PDE10A: variants seen among roughly 807,000 people sequenced by gnomAD.
PDE10A encodes the protein cAMP and cAMP-inhibited cGMP 3',5'-cyclic phosphodiesterase 10A.
In PDE10A, 39 loss-of-function variants were observed where a neutral mutation model predicts 97.7. The ratio of observed to expected loss-of-function variants is 0.40; its 90% confidence interval spans 0.31 to 0.52. The LOEUF is 0.52. Among genes scored for constraint, PDE10A ranks in the 20% least tolerant of loss-of-function variants. The pLI, the probability that PDE10A is intolerant of heterozygous loss-of-function variation, is 0.56. For synonymous variants in PDE10A, 371 were observed against 376.8 expected (o/e 0.98, Z 0.18); for missense variants, 731 against 1,047.8 (o/e 0.70, Z 4.17).
intron 1 of PDE10A, chr6:165,781,468 G>A (rs997656133): frequency 6.6e-6 from 1 of 152,200 alleles, no homozygotes; most frequent in African/African-American, 2.4e-5. Flanking sequence ...ACTGCCACAT[G>A]TGGTGAGTGC....
chr6:165,874,844 A>G (rs1043979307), intron 1 of PDE10A, among the ~76,000 whole-genome samples: 4 of 152,140 alleles, frequency 2.6e-5, no homozygotes, highest in African/African-American at 9.7e-5. Flanking sequence ...AAATTCCCAA[A>G]GGCAATTTAT....
intron 1 of PDE10A, among the ~76,000 whole-genome samples, chr6:165,874,652 A>G (rs1295307735): frequency 6.6e-6 from 1 of 152,230 alleles, no homozygotes; most frequent in East Asian, 1.9e-4. Flanking sequence ...CTCTCATATT[A>G]TTTTGCAAAT....
chr6:165,629,459 GTTTT>G (rs1788530802), intron 1 of PDE10A, among the ~76,000 whole-genome samples: 1 of 147,950 alleles, frequency 6.8e-6, no homozygotes, highest in Non-Finnish European at 1.5e-5. Context: ...AAACTCTTTT[GTTTT>G]GTTAATTAGA....
chr6:165,374,176 C>T (rs1324267536), intron 18 of PDE10A, among the ~76,000 whole-genome samples: 2 of 150,836 alleles, frequency 1.3e-5, no homozygotes, highest in Non-Finnish European at 3.0e-5. Flanking sequence ...CACATGTATA[C>T]ATATGTAACT....
upstream of PDE10A, among the ~76,000 whole-genome samples, chr6:165,665,069 A>G (rs1216637958): frequency 6.6e-6 from 1 of 152,124 alleles, no homozygotes; most frequent in East Asian, 1.9e-4. Flanking sequence ...CTTTTCTCCA[A>G]GTGCTTGCTG....
intron 1 of PDE10A, among the ~76,000 whole-genome samples, chr6:165,972,831 G>A (rs966678088): frequency 3.9e-5 from 6 of 152,034 alleles, no homozygotes; most frequent in African/African-American, 1.4e-4. Flanking sequence ...ATATGGTCTC[G>A]GCCAGGGATT....
intron 5 of PDE10A, 49 bp downstream of exon 5, chr6:165,448,879 T>G: frequency 9.0e-7 from 1 of 1,115,126 alleles, no homozygotes; most frequent in Non-Finnish European, 1.3e-6. Flanking sequence ...TAAAGGAGCT[T>G]ATGATATTTT....
intron 1 of PDE10A, among the ~76,000 whole-genome samples, chr6:165,767,726 T>C (rs1043855627): frequency 6.6e-6 from 1 of 152,250 alleles, no homozygotes; most frequent in Non-Finnish European, 1.5e-5. Context: ...GGACTATTAT[T>C]AGTAATGCTG....
At chr6:165,890,346 T>C (rs1781758559) in intron 1 of PDE10A, among the ~76,000 whole-genome samples, 1 of 152,144 alleles carries the variant, frequency 6.6e-6, no homozygotes, top group Non-Finnish European at 1.5e-5. Flanking sequence ...TAGCATTTAC[T>C]TTTTTAAGAT....
upstream of PDE10A, among the ~76,000 whole-genome samples, chr6:165,664,498 C>T (rs1790446462): frequency 6.6e-6 from 1 of 152,182 alleles, no homozygotes; most frequent in African/African-American, 2.4e-5. Context: ...TCGCGTGTAA[C>T]GGGCATCAGA....
At chr6:165,488,415 T>C (rs1780041989) in intron 2 of PDE10A, among the ~76,000 whole-genome samples, 1 of 152,152 alleles carries the variant, frequency 6.6e-6, no homozygotes, top group South Asian at 2.1e-4. Flanking sequence ...AGGATAGCCT[T>C]CAAGGGAAGA....
At chr6:165,679,097 G>A (rs13209665) in intron 1 of PDE10A, among the ~76,000 whole-genome samples, 2 of 152,204 alleles carry the variant, frequency 1.3e-5, no homozygotes, top group Non-Finnish European at 2.9e-5. Flanking sequence ...GGTCAGTTTA[G>A]GTAATTGTGG....
At chr6:165,976,443 C>T (rs1784846754) in intron 1 of PDE10A, among the ~76,000 whole-genome samples, 1 of 152,134 alleles carries the variant, frequency 6.6e-6, no homozygotes, top group African/African-American at 2.4e-5. Context: ...AAAAAAATGG[C>T]TTCAATATAG....
intron 1 of PDE10A, among the ~76,000 whole-genome samples, chr6:165,831,523 G>A (rs1274818193): frequency 7.3e-6 from 1 of 137,518 alleles, no homozygotes; most frequent in Non-Finnish European, 1.5e-5. Context: ...TCTCACCCAG[G>A]CTGGAGTGCA....
At chr6:165,616,239 C>G (rs188173340) in intron 1 of PDE10A, among the ~76,000 whole-genome samples, 1 of 152,128 alleles carries the variant, frequency 6.6e-6, no homozygotes, top group East Asian at 1.9e-4. Context: ...AGAATCCTAC[C>G]AGGAACCAAC....
chr6:165,594,315 T>C (rs1786454338), intron 1 of PDE10A, among the ~76,000 whole-genome samples: 4 of 152,032 alleles, frequency 2.6e-5, no homozygotes, highest in South Asian at 2.1e-4. Flanking sequence ...TAAAGACATA[T>C]GAAATATAGT....
chr6:165,535,232 T>A (rs964166357), intron 2 of PDE10A, among the ~76,000 whole-genome samples: 4 of 148,824 alleles, frequency 2.7e-5, no homozygotes, highest in African/African-American at 4.9e-5. Flanking sequence ...CCTTTTAAAA[T>A]ATATATATAT....
Position 165,332,988 on chromosome 6 carries a change from A to C in PDE10A, c.*37T>G. On this transcript the variant is annotated 3_prime_UTR_variant, in exon 22 of 22. Coordinates refer to ENST00000539869, the MANE Select transcript of PDE10A (RefSeq NM_001385079.1). ...AGAATGTCAAAGAAGCAAGATGAGG[A>C]TCTGTAGGTGGGACAGCGTGTCAGG... 1 of 730,446 alleles carries C rather than the reference A, an allele frequency of 1.4e-6. No homozygotes were observed. Among genetic ancestry groups the C allele is most frequent in the Non-Finnish European group, 2.3e-6 (1 of 442,546 alleles). 45.2% of individuals were successfully genotyped at this position (730,446 alleles called of 1,614,324 possible). A position where few individuals can be genotyped will look rare whatever the true frequency, so the allele number is the denominator to read the frequency against.
At chr6:165,943,215 GA>G (rs1245257827) in intron 1 of PDE10A, among the ~76,000 whole-genome samples, 1,774 of 76,034 alleles carry the variant, frequency 0.023, 24 homozygotes, top group Non-Finnish European at 0.032. Flanking sequence ...AAGAAAGAAA[GA>G]AAGAAAGAAA....
Sources: gnomAD v4.1 joint callset for allele counts (sites outside exome capture counted in the v4.1 genomes callset) on GRCh38, gnomAD v4.1.1 for gene constraint, MANE v1.5 for transcripts, NCBI Gene and HGNC (gene_info 2026-07-23, HGNC 2026-07-21) for gene names.